The following LYRM4 variants were observed in gnomAD, a reference collection of about 807,000 sequenced individuals.
LYRM4 encodes LYR motif-containing protein 4.
A neutral mutation model predicts 11.7 loss-of-function variants in LYRM4; 9 were observed. That is an observed-to-expected ratio of 0.77 (90% CI 0.46 to 1.34). The LOEUF (loss-of-function observed/expected upper bound fraction) is 1.34. Ranked by LOEUF, LYRM4 falls within the 40% of genes most tolerant of loss-of-function variation. The probability of loss-of-function intolerance (pLI) is 0.00; values close to 1 mark genes in which losing one functional copy is unlikely to be tolerated. For synonymous variants in LYRM4, 42 were observed against 40.4 expected, an observed-to-expected ratio of 1.04 and a Z score of -0.15; for missense variants, 133 against 112.5, an observed-to-expected ratio of 1.18 and a Z score of -0.82.
downstream of LYRM4, among the ~76,000 whole-genome samples, chr6:5,099,024 C>G (rs1368260224): frequency 1.3e-5 from 2 of 152,064 alleles, no homozygotes; most frequent in Non-Finnish European, 2.9e-5. The surrounding 1 kb of genome is among the most constrained non-coding windows in gnomAD (Gnocchi z 4.3). Flanking sequence ...GGGTGACAGC[C>G]ATTGTCCACA....
At chr6:5,052,096 C>G in the LYRM4 span, among the ~76,000 whole-genome samples, 1 of 152,136 alleles carries the variant, frequency 6.6e-6, no homozygotes, top group Non-Finnish European at 1.5e-5. Context: ...GTCAAACATC[C>G]AAACTGTAGC....
chr6:5,136,492 T>G (rs1280699889), intron 2 of LYRM4: 1 of 941,682 alleles, frequency 1.1e-6, no homozygotes, highest in East Asian at 1.2e-4. Flanking sequence ...GGGTTTCACC[T>G]AACCCTGTAG....
chr6:5,131,829 A>G (rs567272008), intron 2 of LYRM4, among the ~76,000 whole-genome samples: 48 of 152,244 alleles, frequency 3.2e-4, no homozygotes, highest in Non-Finnish European at 6.3e-4. Context: ...ACGACATTAT[A>G]GAAGAATATT....
intron 2 of LYRM4, among the ~76,000 whole-genome samples, chr6:5,134,043 T>C (rs747936492): frequency 6.6e-6 from 1 of 152,254 alleles, no homozygotes; most frequent in African/African-American, 2.4e-5. Context: ...CTTTTGGCTA[T>C]TGAAAATAGT....
chr6:5,052,548 C>T, the LYRM4 span, among the ~76,000 whole-genome samples: 3 of 152,148 alleles, frequency 2.0e-5, no homozygotes, highest in Non-Finnish European at 4.4e-5. Context: ...CCTGCCTTGG[C>T]CTCCCAAAGT....
intron 1 of LYRM4, among the ~76,000 whole-genome samples, chr6:5,247,718 C>T (rs75799935): frequency 2.0e-4 from 31 of 152,216 alleles, no homozygotes; most frequent in African/African-American, 6.7e-4. Flanking sequence ...CAGAACATCA[C>T]ACCAGGAACA....
At chr6:5,225,066 T>G (rs1333797902) in intron 1 of LYRM4, among the ~76,000 whole-genome samples, 1 of 151,966 alleles carries the variant, frequency 6.6e-6, no homozygotes. Flanking sequence ...CTGGCCAACA[T>G]GGAGAAACCC....
intron 2 of LYRM4, among the ~76,000 whole-genome samples, chr6:5,182,237 C>T (rs1361142981): frequency 6.6e-6 from 1 of 152,006 alleles, no homozygotes; most frequent in Non-Finnish European, 1.5e-5. Context: ...TGATGTTATG[C>T]AGAAAGAATG....
chr6:5,047,235 T>G, the LYRM4 span, among the ~76,000 whole-genome samples: 1 of 152,214 alleles, frequency 6.6e-6, no homozygotes, highest in African/African-American at 2.4e-5. Flanking sequence ...GATAAGACGA[T>G]CAACATATTT....
intron 1 of LYRM4, among the ~76,000 whole-genome samples, chr6:5,246,275 A>G (rs147655291): frequency 1.3e-5 from 2 of 152,342 alleles, no homozygotes; most frequent in Non-Finnish European, 2.9e-5. Flanking sequence ...GCGAGAGGCA[A>G]GAACAAGAGT....
chr6:5,117,778 A>G (rs1763190067), intron 2 of LYRM4, among the ~76,000 whole-genome samples: 1 of 152,056 alleles, frequency 6.6e-6, no homozygotes, highest in African/African-American at 2.4e-5. Context: ...TAAGGTGGGA[A>G]GGTTGCTTGA....
intron 2 of LYRM4, among the ~76,000 whole-genome samples, chr6:5,118,007 GCACTTT>G (rs1291868447): frequency 1.3e-5 from 2 of 150,744 alleles, no homozygotes; most frequent in Admixed American, 1.3e-4. Context: ...TTAAGACACT[GCACTTT>G]CCTAAGATAG....
At chr6:5,119,155 G>A (rs909499833) in intron 2 of LYRM4, among the ~76,000 whole-genome samples, 3 of 152,210 alleles carry the variant, frequency 2.0e-5, no homozygotes, top group African/African-American at 7.2e-5. Context: ...TAATGTGGAG[G>A]GAGGCAGTGG....
chr6:5,179,240 G>A (rs1759931115), intron 2 of LYRM4, among the ~76,000 whole-genome samples: 1 of 152,110 alleles, frequency 6.6e-6, no homozygotes, highest in Non-Finnish European at 1.5e-5. Flanking sequence ...TTTTTAAAAA[G>A]TGTTTAATTA....
the LYRM4 span, among the ~76,000 whole-genome samples, chr6:5,047,688 G>T: frequency 2.0e-5 from 3 of 152,146 alleles, no homozygotes; most frequent in Admixed American, 2.0e-4. Context: ...ATATGACCCT[G>T]CCTTGGTGGG....
At chr6:5,239,175 T>C (rs1763721093) in intron 1 of LYRM4, among the ~76,000 whole-genome samples, 1 of 152,044 alleles carries the variant, frequency 6.6e-6, no homozygotes, top group Admixed American at 6.5e-5. Context: ...TCGTGAGACA[T>C]AAAGAAGGTC....
At chr6:5,241,427 T>C (rs1291466905) in intron 1 of LYRM4, among the ~76,000 whole-genome samples, 1 of 152,202 alleles carries the variant, frequency 6.6e-6, no homozygotes, top group Non-Finnish European at 1.5e-5. Context: ...AACAGTCTCG[T>C]AGGCAAGTAC....
chr6:5,164,707 C>CCTGT (rs937363236), intron 2 of LYRM4, among the ~76,000 whole-genome samples: 48 of 152,102 alleles, frequency 3.2e-4, no homozygotes, highest in African/African-American at 1.1e-3. Flanking sequence ...GCGGCTCATA[C>CCTGT]CTGTAATCCC....
the LYRM4 span, chr6:5,086,279 C>T: frequency 6.5e-7 from 1 of 1,535,450 alleles, no homozygotes; most frequent in African/African-American, 1.4e-5. Context: ...GACGTGCCGG[C>T]TGAGCTGCAG....
Sources: gnomAD v4.1 joint callset for allele counts (sites outside exome capture counted in the v4.1 genomes callset) on GRCh38, gnomAD v4.1.1 for gene constraint, Gnocchi (gnomAD v3.1) non-coding constraint, MANE v1.5 for transcripts, NCBI Gene and HGNC (gene_info 2026-07-23, HGNC 2026-07-21) for gene names.